CBX8: variants seen among roughly 807,000 people sequenced by gnomAD.
The protein encoded by CBX8 is chromobox 8.
Under a neutral mutation model 39.7 loss-of-function variants are expected in CBX8, and 8 were observed. The ratio of observed to expected loss-of-function variants is 0.20; its 90% CI spans 0.12 to 0.36. The LOEUF (loss-of-function observed/expected upper bound fraction) is 0.36. Ranked by LOEUF, CBX8 falls within the 10% of genes least tolerant of loss-of-function variation. The pLI is 1.00. For missense variants in CBX8, 505 were observed against 529.6 expected, an observed-to-expected ratio of 0.95 and a Z score of 0.46; for synonymous variants, 268 against 219.8, an observed-to-expected ratio of 1.22 and a Z score of -1.94.
At position 79,796,073 on chromosome 17, in the gene CBX8, T is replaced by C; in HGVS notation, c.230A>G (p.Lys77Arg). The C allele has an allele frequency of 1.2e-6, 2 of 1,614,144 alleles. No homozygotes were observed. Among genetic ancestry groups the C allele is most frequent in the Non-Finnish European group, 1.7e-6 (2 of 1,180,006 alleles). ...YGPKKRGPKP[K>R]TFLLKAQAKA... ...CCAACCTACTTTGAGGAGGAAGGTTTTGGGCTTGGGTCCACGCTTTTTGGG... is the reference window on the plus strand; with the variant it reads ...CCAACCTACTTTGAGGAGGAAGGTTCTGGGCTTGGGTCCACGCTTTTTGGG... Residue 77 changes from lysine to arginine, a missense_variant, in exon 4 of 5, where the codon AAA (lysine) becomes AGA (arginine). Around this residue, in one of 3 missense-constraint regions of CBX8, gnomAD observed 456 missense variants for 389.2 expected, o/e 1.17. Transcript: ENST00000269385.
At chr17:79,796,715 T>C (rs532872474) in intron 1 of CBX8, among the ~76,000 whole-genome samples, 175 bp from the exon 2 acceptor site, 12 of 149,898 alleles carry the variant, frequency 8.0e-5, no homozygotes, top group Non-Finnish European at 1.5e-4. Context: ...GCACCGGCAT[T>C]CATTCCCCAC....
Position 79,796,975 on chromosome 17 carries a change from C to T in CBX8, c.24G>A (p.Glu8=), listed in dbSNP as rs775679101. Residue 8 remains glutamate, a synonymous_variant, in exon 1 of 5, where the codon GAG becomes GAA. Transcript: ENST00000269385. MELSAVG[E]RVFAAEALLK... ...GGAGGGCTTCGGCCGCGAACACCCG[C>T]TCCCCCACCGCTGAAAGCTCCATGT... The T allele has an allele frequency of 2.5e-6, 4 of 1,611,118 alleles. No individual in the cohort carries two copies. Among genetic ancestry groups the T allele is most frequent in the Non-Finnish European group, 3.4e-6 (4 of 1,179,082 alleles).
At position 79,795,571 on chromosome 17, in the gene CBX8, A is replaced by C; in HGVS notation, c.247-13T>G. The C allele has an allele frequency of 6.7e-7, 1 of 1,502,412 alleles. No individual in the cohort carries two copies. The highest frequency in any genetic ancestry group is 8.9e-7 in the Non-Finnish European group (1 of 1,127,414). 93.1% of individuals were successfully genotyped at this position (1,502,412 alleles called of 1,614,324 possible). ...CCTTGGCCTGCGCCTGCAGGAGAGA[A>C]GATGGTCTCAAGAGTGGGGCAGGGC... On this transcript the variant is annotated splice_polypyrimidine_tract_variant and intron_variant, in intron 4 of 4. Coordinates refer to ENST00000269385, the MANE Select transcript of CBX8 (RefSeq NM_020649.3). The surrounding 1 kb of genome is among the most constrained non-coding windows in gnomAD (Gnocchi z 5.8).
At position 79,794,840 on chromosome 17, in the gene CBX8, C is replaced by G. The variant is rs765861025; in HGVS notation, c.965G>C (p.Arg322Pro). The G allele has an allele frequency of 1.7e-5, 28 of 1,607,894 alleles. No homozygotes were observed. The highest frequency in any genetic ancestry group is 2.3e-5 in the Non-Finnish European group (27 of 1,177,636). ...CCTTCCCCCCTGGGCCCCCATGTCC[C>G]GGTACAGGCCCCCCCCAGAGCTGGG... ...GPPSSGGGLY[R>P]DMGAQGGRPS... is the part of the protein sequence containing the mutation. The change falls in exon 5 of 5, where the codon CGG becomes CCG. Residue 322 changes from arginine to proline, a missense_variant. Coordinates refer to ENST00000269385, the MANE Select transcript of CBX8 (RefSeq NM_020649.3).
Position 79,794,789 on chromosome 17 carries a change from A to G in CBX8, c.1016T>C (p.Val339Ala). 2.5e-6 allele frequency: 4 copies of G among 1,612,684 alleles called. No homozygotes were observed. The highest frequency in any genetic ancestry group is 3.4e-6 in the Non-Finnish European group (4 of 1,178,980). The change falls in exon 5 of 5, where the codon GTG becomes GCG. Residue 339 changes from valine to alanine, a missense_variant. Transcript: ENST00000269385. ...GRPSLIARIP[V>A]ARILGDPEEE... is the part of the protein sequence containing the mutation. Reference sequence around the variant, plus strand: ...CTCCGGGTCCCCCAGGATTCTGGCCACAGGGATCCTGGCGATGAGGGAGGG... The same window carrying G: ...CTCCGGGTCCCCCAGGATTCTGGCCGCAGGGATCCTGGCGATGAGGGAGGG...
rs1385566854 is a variant in CBX8, at chr17:79,794,574, C to G, written c.*61G>C. 7.6e-7 allele frequency: 1 copy of G among 1,322,620 alleles called. No individual in the cohort carries two copies. The highest frequency in any genetic ancestry group is 1.0e-6 in the Non-Finnish European group (1 of 966,854). The allele number at this position is 1,322,620 out of a possible 1,614,324, so 81.9% of individuals were successfully genotyped here. A position where few individuals can be genotyped will look rare whatever the true frequency, so the allele number is the denominator to read the frequency against. Reference sequence around the variant, plus strand: ...ACATCCCACCCAGAAATAAAAATCACTATGCCAAGCTCACGCTCACTCTCT... The same window carrying G: ...ACATCCCACCCAGAAATAAAAATCAGTATGCCAAGCTCACGCTCACTCTCT... On this transcript the variant is annotated 3_prime_UTR_variant, in exon 5 of 5. Transcript: ENST00000269385.
intron 2 of CBX8, 63 bp downstream of exon 2, chr17:79,796,434 A>G (rs979593277): frequency 6.2e-7 from 1 of 1,608,398 alleles, no homozygotes; most frequent in Non-Finnish European, 8.5e-7. Context: ...AAAGGCAAAA[A>G]GAGGAAGAAA....
Position 79,795,457 on chromosome 17 carries a change from G to A in CBX8, c.348C>T (p.Ser116=), listed in dbSNP as rs1388571630. 2 of 1,606,690 alleles carry A rather than the reference G, an allele frequency of 1.2e-6. No homozygotes were observed. The highest frequency in any genetic ancestry group is 2.7e-5 in the African/African-American group (2 of 74,830). ...YPGRSPQDLA[S]TSRAREGLRN... ...GAAGGCCCTCCCGGGCCCGGGAAGT[G>A]GAGGCCAGGTCCTGGGGCGAGCGGC... The change falls in exon 5 of 5, where the codon TCC becomes TCT. Residue 116 remains serine, a synonymous_variant. Transcript: ENST00000269385. This position sits in a 1 kb window ranked among gnomAD's most constrained non-coding sequence, Gnocchi z 5.8.
In CBX8 at chr17:79,793,061, G is replaced by C. The variant is rs1907936560; in HGVS notation, c.*1574C>G. ...TGCGGGATCCGTGCTCCAAGAGACG[G>C]GGGTGGAGTGGAGGGGACTGATTTG... On this transcript the variant is annotated 3_prime_UTR_variant, in exon 5 of 5. Coordinates refer to ENST00000269385, the MANE Select transcript of CBX8 (RefSeq NM_020649.3). 1 of 152,318 alleles carries C rather than the reference G, an allele frequency of 6.6e-6. No individual in the cohort carries two copies. Among genetic ancestry groups the C allele is most frequent in the Non-Finnish European group, 1.5e-5 (1 of 68,078 alleles). 9.4% of individuals were successfully genotyped at this position (152,318 alleles called of 1,614,324 possible). A position where few individuals can be genotyped will look rare whatever the true frequency, so the allele number is the denominator to read the frequency against.
rs1233174344 is a variant in CBX8, at chr17:79,794,490, G to A, written c.*145C>T. The A allele has an allele frequency of 5.6e-6, 3 of 533,514 alleles. No homozygotes were observed. Among genetic ancestry groups the A allele is most frequent in the South Asian group, 3.8e-5 (1 of 26,420 alleles). The allele number at this position is 533,514 out of a possible 1,614,324, so 33.0% of individuals were successfully genotyped here. On this transcript the variant is annotated 3_prime_UTR_variant, in exon 5 of 5. Coordinates refer to ENST00000269385, the MANE Select transcript of CBX8 (RefSeq NM_020649.3). The stretch of plus-strand genomic sequence containing the variant: ...AACAAAAACTGAGGGGGAGGAAGGA[G>A]GGATGAAAGGGGCTGGTGGGGTGGG...
At chr17:79,796,411 T>C in intron 2 of CBX8, 86 bp downstream of exon 2, 1 of 1,596,570 alleles carries the variant, frequency 6.3e-7, no homozygotes, top group East Asian at 2.2e-5. Context: ...TGCATTGTAT[T>C]GTATTTCAAT....
rs1250201386 is a variant in CBX8, at chr17:79,797,024, C to T, written c.-26G>A. 2 of 1,600,666 alleles carry T rather than the reference C, an allele frequency of 1.2e-6. No individual in the cohort carries two copies. Among genetic ancestry groups the T allele is most frequent in the South Asian group, 1.1e-5 (1 of 88,938 alleles). On this transcript the variant is annotated 5_prime_UTR_variant, in exon 1 of 5. Coordinates refer to ENST00000269385, the MANE Select transcript of CBX8 (RefSeq NM_020649.3). Reference sequence around the variant, plus strand: ...GTTGACTCGCCGCTTCCCCCCTTGGCCGCTTCCAGGAGCAGAAAAGCAGCA... The same window carrying T: ...GTTGACTCGCCGCTTCCCCCCTTGGTCGCTTCCAGGAGCAGAAAAGCAGCA...
rs1304573522 is a variant in CBX8 at position 79,796,257 on chromosome 17, C to G, written c.172G>C (p.Glu58Gln). ...ACTTGGAAGGGTCTGTACCTTTCCT[C>G]AAAGGCTGCGAGCAAGCGAGCATCC... ...ILDARLLAAFEEREREMELYG... is the reference protein window; with the variant it reads ...ILDARLLAAFQEREREMELYG... The change falls in exon 3 of 5, where the codon GAG (glutamate) becomes CAG (glutamine). Residue 58 changes from glutamate to glutamine, a missense_variant. Around this residue, in one of 3 missense-constraint regions of CBX8, gnomAD observed 32 missense variants for 101.4 expected, o/e 0.32. Coordinates refer to ENST00000269385, the MANE Select transcript of CBX8 (RefSeq NM_020649.3). 6.2e-7 allele frequency: 1 copy of G among 1,614,192 alleles called. No individual in the cohort carries two copies. The highest frequency in any genetic ancestry group is 2.2e-5 in the East Asian group (1 of 44,884).
At chr17:79,796,025 T>C (rs1206037912) in intron 4 of CBX8, 32 bp downstream of exon 4, 1 of 1,604,326 alleles carries the variant, frequency 6.2e-7, no homozygotes. Context: ...CTCCATAACA[T>C]GGTCCTCCAC....
In CBX8 at chr17:79,795,980, GCTCACAGCC is replaced by G; in HGVS notation, c.246+68_246+76del. ...GGCAACATGTGTGGACACCCCATTG[GCTCACAGCC>G]CTCAGAGCCCCCTTCCCACAAATCA... On this transcript the variant is annotated intron_variant, in intron 4 of 4. Coordinates refer to ENST00000269385, the MANE Select transcript of CBX8 (RefSeq NM_020649.3). This position sits in a 1 kb window ranked among gnomAD's most constrained non-coding sequence, Gnocchi z 5.8. The G allele has an allele frequency of 1.5e-6, 2 of 1,346,650 alleles. No individual in the cohort carries two copies. Among genetic ancestry groups the G allele is most frequent in the African/African-American group, 2.9e-5 (2 of 69,048 alleles). The allele number at this position is 1,346,650 out of a possible 1,614,324, so 83.4% of individuals were successfully genotyped here.
Position 79,794,380 on chromosome 17 carries a change from G to C in CBX8, c.*255C>G. ...TCTCTCCTTTAAATAAAACAACTTC[G>C]AGTTGAAATATATATATTTAGATAT... is the stretch of plus-strand genomic sequence containing the variant. On this transcript the variant is annotated 3_prime_UTR_variant, in exon 5 of 5. Coordinates refer to ENST00000269385, the MANE Select transcript of CBX8 (RefSeq NM_020649.3). 4.5e-6 allele frequency: 1 copy of C among 221,282 alleles called. No homozygotes were observed. Among genetic ancestry groups the C allele is most frequent in the Non-Finnish European group, 8.8e-6 (1 of 113,440 alleles). 13.7% of individuals were successfully genotyped at this position (221,282 alleles called of 1,614,324 possible). A position where few individuals can be genotyped will look rare whatever the true frequency, so the allele number is the denominator to read the frequency against.
In CBX8 at chr17:79,796,241, G is replaced by A; in HGVS notation, c.179+9C>T. The A allele has an allele frequency of 2.5e-6, 4 of 1,614,152 alleles. No homozygotes were observed. In the South Asian group the frequency reaches 3.3e-5, roughly 13 times the overall value. Reference sequence around the variant, plus strand: ...TAAGTGAGCGGCTGGGACTTGGAAGGGTCTGTACCTTTCCTCAAAGGCTGC... The same window carrying A: ...TAAGTGAGCGGCTGGGACTTGGAAGAGTCTGTACCTTTCCTCAAAGGCTGC... On this transcript the variant is annotated intron_variant, in intron 3 of 4. Coordinates refer to ENST00000269385, the MANE Select transcript of CBX8 (RefSeq NM_020649.3).
rs181697451 is a variant in CBX8 at position 79,793,868 on chromosome 17, T to C, written c.*767A>G. 1 of 152,282 alleles carries C rather than the reference T, an allele frequency of 6.6e-6. No individual in the cohort carries two copies. The highest frequency in any genetic ancestry group is 6.5e-5 in the Admixed American group (1 of 15,294). 9.4% of individuals were successfully genotyped at this position (152,282 alleles called of 1,614,324 possible). A position where few individuals can be genotyped will look rare whatever the true frequency, so the allele number is the denominator to read the frequency against. On this transcript the variant is annotated 3_prime_UTR_variant, in exon 5 of 5. Transcript: ENST00000269385. The stretch of plus-strand genomic sequence containing the variant: ...AGGGAACGGGGAGATTTTATCCACA[T>C]GACATACACACGATCTGCGTGTACC...
At position 79,792,881 on chromosome 17, in the gene CBX8, C is replaced by G. The variant is rs1907927005; in HGVS notation, c.*1754G>C. 6.6e-6 allele frequency: 1 copy of G among 151,568 alleles called. No individual in the cohort carries two copies. The highest frequency in any genetic ancestry group is 2.0e-4 in the East Asian group (1 of 5,120). The allele number at this position is 151,568 out of a possible 1,614,324, so 9.4% of individuals were successfully genotyped here. On this transcript the variant is annotated 3_prime_UTR_variant, in exon 5 of 5. Transcript: ENST00000269385. ...GCTGGGGTTCCCTCCCAGCACCCCC[C>G]ACCCCACGCGAAGCTCCCCCACCCC...
Sources: gnomAD v4.1 joint callset for allele counts (sites outside exome capture counted in the v4.1 genomes callset) on GRCh38, gnomAD v4.1.1 for gene constraint, gnomAD v4.1.1 regional missense constraint, Gnocchi (gnomAD v3.1) non-coding constraint, MANE v1.5 for transcripts, NCBI Gene and HGNC (gene_info 2026-07-23, HGNC 2026-07-21) for gene names.